TMEM178B: variants seen among roughly 807,000 people sequenced by gnomAD.
TMEM178B encodes transmembrane protein 178B.
TMEM178B carries 5 observed loss-of-function variants against 31.0 expected under a neutral mutation model. The ratio of observed to expected loss-of-function variants is 0.16; its 90% CI spans 0.08 to 0.34. TMEM178B has a LOEUF of 0.34. TMEM178B is among the 10% of genes least tolerant of loss of function. The pLI is 1.00. For synonymous variants in TMEM178B, 164 were observed against 164.0 expected (o/e 1.00, Z 0.00); for missense variants, 275 against 400.3 (o/e 0.69, Z 2.67).
intron 2 of TMEM178B, among the ~76,000 whole-genome samples, chr7:141,312,766 G>C (rs1586885849): frequency 6.6e-6 from 1 of 152,204 alleles, no homozygotes; most frequent in African/African-American, 2.4e-5. Context: ...GGTGGTCCAT[G>C]GAGGGTGGTA....
At chr7:141,507,302 G>A in the TMEM178B span, among the ~76,000 whole-genome samples, 1 of 152,156 alleles carries the variant, frequency 6.6e-6, no homozygotes, top group Non-Finnish European at 1.5e-5. Flanking sequence ...TGAGGGCTCT[G>A]CCCCTGCAAC....
chr7:141,231,592 G>A (rs1351792091), intron 2 of TMEM178B, among the ~76,000 whole-genome samples: 1 of 152,076 alleles, frequency 6.6e-6, no homozygotes. Context: ...ATTTAGAGAC[G>A]GAAGCAAAGC....
At chr7:141,437,556 G>T in intron 2 of TMEM178B, 52 bp from the exon 3 acceptor site, 1 of 1,530,434 alleles carries the variant, frequency 6.5e-7, no homozygotes, top group Non-Finnish European at 8.7e-7. Context: ...GTATACCCTG[G>T]CCCTCAGTCC....
chr7:141,434,435 G>A (rs544159844), intron 2 of TMEM178B, among the ~76,000 whole-genome samples: 25 of 152,208 alleles, frequency 1.6e-4, no homozygotes, highest in Non-Finnish European at 2.6e-4. Flanking sequence ...TCCACACATC[G>A]AAAAGAGAAG....
At chr7:141,311,078 T>TA (rs2116457649) in intron 2 of TMEM178B, among the ~76,000 whole-genome samples, 1 of 152,306 alleles carries the variant, frequency 6.6e-6, no homozygotes, top group African/African-American at 2.4e-5. Flanking sequence ...TGTTCTCACT[T>TA]ATGAGCGGGA....
At chr7:141,291,929 T>G in intron 2 of TMEM178B, among the ~76,000 whole-genome samples, 1 of 49,212 alleles carries the variant, frequency 2.0e-5, no homozygotes, top group East Asian at 5.3e-4. Flanking sequence ...AGAGATCATT[T>G]TTTTTTTTTT....
intron 1 of TMEM178B, among the ~76,000 whole-genome samples, chr7:141,176,211 A>C (rs1490867746): frequency 1.3e-5 from 2 of 152,176 alleles, no homozygotes; most frequent in African/African-American, 2.4e-5. Flanking sequence ...ATCTATTGAG[A>C]TAATCATGTG....
At chr7:141,404,801 G>A (rs1216228266) in intron 2 of TMEM178B, among the ~76,000 whole-genome samples, 1 of 152,320 alleles carries the variant, frequency 6.6e-6, no homozygotes, top group African/African-American at 2.4e-5. Context: ...GCTCAGAGAA[G>A]TTTCCTGCCT....
At chr7:141,247,236 A>G (rs1184555475) in intron 2 of TMEM178B, among the ~76,000 whole-genome samples, 5 of 151,764 alleles carry the variant, frequency 3.3e-5, no homozygotes, top group Non-Finnish European at 5.9e-5. Context: ...CACAATTCAA[A>G]TCAAGATATA....
the TMEM178B span, among the ~76,000 whole-genome samples, chr7:141,510,705 AAAAAAAAG>A: frequency 4.4e-4 from 62 of 142,088 alleles, no homozygotes; most frequent in African/African-American, 1.6e-3. Flanking sequence ...AAAAAAAAAA[AAAAAAAAG>A]AAAAAAAAAG....
intron 1 of TMEM178B, among the ~76,000 whole-genome samples, chr7:141,078,429 AT>A (rs1186462970): frequency 1.3e-5 from 2 of 152,220 alleles, no homozygotes; most frequent in Non-Finnish European, 1.5e-5. Flanking sequence ...TCCAAAAGTA[AT>A]TTTAAGAAAA....
At chr7:141,332,966 C>T (rs908269702) in intron 2 of TMEM178B, among the ~76,000 whole-genome samples, 18 of 152,206 alleles carry the variant, frequency 1.2e-4, no homozygotes, top group African/African-American at 2.9e-4. Flanking sequence ...ACACCAAGAG[C>T]GCTTAGCGGA....
chr7:141,113,950 A>G (rs926915152), intron 1 of TMEM178B, among the ~76,000 whole-genome samples: 4 of 152,360 alleles, frequency 2.6e-5, no homozygotes, highest in Admixed American at 2.6e-4. Context: ...TAGAAATCTA[A>G]CATAGTGGTT....
intron 2 of TMEM178B, among the ~76,000 whole-genome samples, chr7:141,409,363 G>A (rs1282404915): frequency 6.6e-6 from 1 of 152,190 alleles, no homozygotes; most frequent in Non-Finnish European, 1.5e-5. Flanking sequence ...GCTATTGAGT[G>A]TCTCAGGAAG....
chr7:141,369,668 C>T (rs1380039403), intron 2 of TMEM178B, among the ~76,000 whole-genome samples: 1 of 152,210 alleles, frequency 6.6e-6, no homozygotes, highest in Non-Finnish European at 1.5e-5. Flanking sequence ...CCCAGGTTTA[C>T]AGAAGTTCAC....
chr7:141,275,032 A>T (rs1281075487), intron 2 of TMEM178B, among the ~76,000 whole-genome samples: 1 of 152,258 alleles, frequency 6.6e-6, no homozygotes, highest in Non-Finnish European at 1.5e-5. Context: ...AAGGAAACTT[A>T]GATAAAAATA....
chr7:141,435,975 G>A (rs530670444), intron 2 of TMEM178B, among the ~76,000 whole-genome samples: 1 of 152,142 alleles, frequency 6.6e-6, no homozygotes, highest in Non-Finnish European at 1.5e-5. Context: ...GGAAGGGTCT[G>A]CTGCTGTTCC....
chr7:141,235,516 C>T (rs1346218501), intron 2 of TMEM178B, among the ~76,000 whole-genome samples: 1 of 152,160 alleles, frequency 6.6e-6, no homozygotes, highest in African/African-American at 2.4e-5. Flanking sequence ...CTAGAAGTGA[C>T]ATTTGAGGTC....
chr7:141,396,808 G>C (rs1237245972), intron 2 of TMEM178B, among the ~76,000 whole-genome samples: 1 of 152,208 alleles, frequency 6.6e-6, no homozygotes, highest in African/African-American at 2.4e-5. Flanking sequence ...GGAAATGAGA[G>C]ACAAAGTGAT....
Sources: allele counts gnomAD v4.1 joint callset (sites outside exome capture counted in the v4.1 genomes callset), GRCh38; gene constraint gnomAD v4.1.1; transcripts MANE v1.5; gene names NCBI Gene and HGNC (gene_info 2026-07-23, HGNC 2026-07-21).